Variants in DAAM1 observed in about 807,000 individuals in gnomAD.
DAAM1 encodes the protein dishevelled associated activator of morphogenesis 1, also known as disheveled-associated activator of morphogenesis 1.
DAAM1 carries 52 observed loss-of-function variants against 130.0 expected under a neutral mutation model. That is an observed-to-expected ratio of 0.40 (90% confidence interval 0.32 to 0.50). The LOEUF (loss-of-function observed/expected upper bound fraction) is 0.50, where lower values mean the gene tolerates loss of function less well. Ranked by LOEUF, DAAM1 falls within the 20% of genes least tolerant of loss-of-function variation. DAAM1 has a pLI of 0.61. For synonymous variants in DAAM1, 452 were observed against 444.5 expected (o/e 1.02, Z -0.21); for missense variants, 1,134 against 1,303.8 (o/e 0.87, Z 2.01).
chr14:59,238,254 C>T (rs1448026178), intron 1 of DAAM1, among the ~76,000 whole-genome samples: 1 of 152,046 alleles, frequency 6.6e-6, no homozygotes, highest in East Asian at 1.9e-4. Context: ...CCTTGCCTTC[C>T]GCTCCACTAA....
chr14:59,352,384 T>G (rs981932776), intron 17 of DAAM1, 142 bp from the exon 18 acceptor site: 7 of 574,452 alleles, frequency 1.2e-5, no homozygotes, highest in South Asian at 3.0e-5. Flanking sequence ...TCATTTCTAT[T>G]GTATCTTAAC....
At chr14:59,272,878 G>C (rs897068912) in intron 2 of DAAM1, among the ~76,000 whole-genome samples, 1 of 152,118 alleles carries the variant, frequency 6.6e-6, no homozygotes, top group African/African-American at 2.4e-5. Context: ...TCAATTTAAA[G>C]GTGACAGAAG....
In DAAM1 at chr14:59,331,433, C is replaced by T. The variant is rs1566708144; in HGVS notation, c.1785C>T (p.Gly595=). ...TGCCACCTCCTGGTGCTCCAATGGG[C>T]CTAGCACTGAAGAAGAAAAGCATTC... ...AIMPPPGAPM[G]LALKKKSIPQ... Residue 595 remains glycine, a synonymous_variant, in exon 14 of 25, where the codon GGC becomes GGT. Coordinates refer to ENST00000360909, the MANE Select transcript of DAAM1 (RefSeq NM_001270520.2). 6.2e-7 allele frequency: 1 copy of T among 1,613,892 alleles called. No homozygotes were observed. Among genetic ancestry groups the T allele is most frequent in the East Asian group, 2.2e-5 (1 of 44,880 alleles).
At position 59,189,846 on chromosome 14, in the gene DAAM1, G is replaced by T. The variant is rs527336386; in HGVS notation, c.-38+1078G>T. ...CTCAAGTTGTTCACGGCCTGGCTTT[G>T]CGGAGCTACCTCTCGCCCCATAACA... is the stretch of plus-strand genomic sequence containing the variant. On this transcript the variant is annotated intron_variant, in intron 1 of 24. Coordinates refer to ENST00000360909, the MANE Select transcript of DAAM1 (RefSeq NM_001270520.2). Among the ~76,000 whole-genome samples, 13 of 152,250 alleles carry T rather than the reference G, an allele frequency of 8.5e-5. No individual in the cohort carries two copies. In the South Asian group the frequency reaches 2.7e-3, roughly 32 times the overall value.
chr14:59,195,406 G>A (rs1388202911), intron 1 of DAAM1, among the ~76,000 whole-genome samples: 1 of 152,094 alleles, frequency 6.6e-6, no homozygotes, highest in Non-Finnish European at 1.5e-5. Context: ...GCCTCCCAAA[G>A]AGCTGGGATT....
chr14:59,339,084 C>T (rs961533171), intron 15 of DAAM1, among the ~76,000 whole-genome samples: 2 of 152,136 alleles, frequency 1.3e-5, no homozygotes, highest in Admixed American at 6.5e-5. Flanking sequence ...TAGGAAAGTA[C>T]GTAGAATTTT....
In DAAM1 at chr14:59,252,309, T is replaced by G. The variant is rs762573118; in HGVS notation, c.-37-11132T>G. Among the ~76,000 whole-genome samples, 24 of 152,222 alleles carry G rather than the reference T, an allele frequency of 1.6e-4. 1 individual carries two copies. The highest frequency in any genetic ancestry group is 2.6e-4 in the Non-Finnish European group (18 of 68,044). On this transcript the variant is annotated intron_variant, in intron 1 of 24. Transcript: ENST00000360909. The stretch of plus-strand genomic sequence containing the variant: ...CAAAAGGATAAGTAGATGTGATCAG[T>G]GACTGAGGATATCAAGGGGAATCAT...
intron 2 of DAAM1, among the ~76,000 whole-genome samples, chr14:59,287,463 G>C (rs79099225): frequency 7.2e-5 from 11 of 152,072 alleles, no homozygotes; most frequent in South Asian, 2.1e-4. Flanking sequence ...GAAATAAAAG[G>C]CTTCAAAATA....
At chr14:59,354,287 C>T (rs563638361) in intron 19 of DAAM1, among the ~76,000 whole-genome samples, 2 of 152,300 alleles carry the variant, frequency 1.3e-5, no homozygotes, top group East Asian at 1.9e-4. Flanking sequence ...GTCTCAATCT[C>T]CTGACCTCGT....
chr14:59,331,038 GGAGTCCATAAAGGCCCAAAA>G (rs879871113), intron 13 of DAAM1, among the ~76,000 whole-genome samples, 151 bp from the exon 14 acceptor site: 5 of 152,066 alleles, frequency 3.3e-5, no homozygotes, highest in Admixed American at 2.6e-4. Context: ...TTGATGCACT[GGAGTCCATAAAGGCCCAAAA>G]GAGTCCATTC....
intron 16 of DAAM1, 28 bp from the exon 17 acceptor site, chr14:59,347,511 G>A (rs1456317026): frequency 6.2e-7 from 1 of 1,600,374 alleles, no homozygotes; most frequent in South Asian, 1.1e-5. Context: ...AAACCAATAT[G>A]GTTAATAACA....
intron 22 of DAAM1, 101 bp from the exon 23 acceptor site, chr14:59,363,550 T>A: frequency 6.6e-7 from 1 of 1,515,658 alleles, no homozygotes; most frequent in Non-Finnish European, 8.9e-7. Context: ...GTGTTTGCCA[T>A]TCTGATTTAT....
intron 3 of DAAM1, among the ~76,000 whole-genome samples, chr14:59,311,873 T>G (rs898864509): frequency 2.6e-5 from 4 of 152,052 alleles, no homozygotes; most frequent in Admixed American, 2.6e-4. Context: ...ATTTATTTAT[T>G]TATTTTGGAG....
At chr14:59,192,149 GGTGT>G (rs55791691) in intron 1 of DAAM1, among the ~76,000 whole-genome samples, 20,007 of 138,464 alleles carry the variant, frequency 0.14, 1,422 homozygotes, top group South Asian at 0.2. Context: ...CTTGTTAAGG[GGTGT>G]GTGTGTGTGT....
At chr14:59,343,401 G>A (rs1171927456) in intron 16 of DAAM1, among the ~76,000 whole-genome samples, 1 of 152,152 alleles carries the variant, frequency 6.6e-6, no homozygotes, top group Non-Finnish European at 1.5e-5. Flanking sequence ...TATGCTTGGG[G>A]ACAATGAATA....
At chr14:59,248,306 ATGTTTTGTTTTGTTTTGTTTTGTTT>A (rs6145363) in intron 1 of DAAM1, among the ~76,000 whole-genome samples, 117 of 150,360 alleles carry the variant, frequency 7.8e-4, no homozygotes, top group South Asian at 1.7e-3. Flanking sequence ...CTGTGGAATG[ATGTTTTGTTTTGTTTTGTTTTGTTT>A]TGTTTTGTTT....
intron 1 of DAAM1, among the ~76,000 whole-genome samples, chr14:59,246,976 T>C (rs1881410449): frequency 6.6e-6 from 1 of 152,182 alleles, no homozygotes. Context: ...AAATCCAATG[T>C]CATAAAATTT....
chr14:59,348,961 A>G (rs1278140208), intron 17 of DAAM1, among the ~76,000 whole-genome samples: 2 of 152,224 alleles, frequency 1.3e-5, no homozygotes, highest in African/African-American at 2.4e-5. Context: ...AAAATAGTTA[A>G]TGATTATGTT....
chr14:59,313,830 C>G (rs1884685396), intron 3 of DAAM1, among the ~76,000 whole-genome samples: 1 of 152,166 alleles, frequency 6.6e-6, no homozygotes, highest in South Asian at 2.1e-4. Context: ...ATCAGATTTC[C>G]TAAACGTTGT....
Sources: allele counts gnomAD v4.1 joint callset (sites outside exome capture counted in the v4.1 genomes callset), GRCh38; gene constraint gnomAD v4.1.1; transcripts MANE v1.5; gene names NCBI Gene and HGNC (gene_info 2026-07-23, HGNC 2026-07-21).